ARHGEF37: variants seen among roughly 807,000 people sequenced by gnomAD.
ARHGEF37 encodes Rho guanine nucleotide exchange factor 37.
A neutral mutation model predicts 71.1 loss-of-function variants in ARHGEF37; 55 were observed. The observed-to-expected ratio is 0.77, with a 90% CI of 0.62 to 0.97. The LOEUF is 0.97. ARHGEF37 is among the 50% of genes least tolerant of loss of function. The pLI is 0.00. For missense variants in ARHGEF37, 765 were observed against 836.8 expected (o/e 0.91, Z 1.06); for synonymous variants, 327 against 350.6 (o/e 0.93, Z 0.75).
chr5:149,627,301 C>T, intron 11 of ARHGEF37, 30 bp downstream of exon 11: 2 of 1,600,828 alleles, frequency 1.2e-6, no homozygotes, highest in Non-Finnish European at 1.7e-6. Context: ...CCCTTCTTCT[C>T]CTTCGGGGAA....
intron 1 of ARHGEF37, among the ~76,000 whole-genome samples, chr5:149,571,313 TG>T (rs910302710): frequency 2.8e-4 from 43 of 152,108 alleles, no homozygotes; most frequent in Non-Finnish European, 1.3e-4. Flanking sequence ...TGGCATGCAG[TG>T]GCACGACCTC....
intron 1 of ARHGEF37, among the ~76,000 whole-genome samples, chr5:149,589,581 C>A (rs1034068664): frequency 6.6e-6 from 1 of 152,180 alleles, no homozygotes; most frequent in Non-Finnish European, 1.5e-5. Context: ...CTCGCTGCAA[C>A]CTCTGCCTCC....
In ARHGEF37 at chr5:149,628,936, T is replaced by C. The variant is rs1561812279; in HGVS notation, c.1788T>C (p.Ala596=). 4.3e-6 allele frequency: 7 copies of C among 1,612,668 alleles called. No homozygotes were observed. Among genetic ancestry groups the C allele is most frequent in the Non-Finnish European group, 5.9e-6 (7 of 1,179,952 alleles). ...PRCLTPEPSP[A]LVPSIPTMNQ... ...GTCTAACACCGGAGCCCAGCCCAGC[T>C]CTAGTGCCCTCTATTCCCACCATGA... is the stretch of plus-strand genomic sequence containing the variant. The change falls in exon 12 of 13, where the codon GCT becomes GCC. Residue 596 remains alanine (A), a synonymous_variant. Transcript: ENST00000333677.
intron 1 of ARHGEF37, among the ~76,000 whole-genome samples, chr5:149,572,969 G>A (rs778049505): frequency 2.6e-5 from 4 of 152,124 alleles, no homozygotes; most frequent in Non-Finnish European, 5.9e-5. Flanking sequence ...AGGCTTGGTA[G>A]TTCAAAGGCG....
chr5:149,634,352 T>C lies in ARHGEF37; in HGVS notation c.*2161T>C, dbSNP rs1752970459. Reference sequence around the variant, plus strand: ...GTTCAAACAGGCGCTTTAAAGGCAGTGTGAAAGGGGACAGCCTGTTCTGCC... The same window carrying C: ...GTTCAAACAGGCGCTTTAAAGGCAGCGTGAAAGGGGACAGCCTGTTCTGCC... On this transcript the variant is annotated 3_prime_UTR_variant, in exon 13 of 13. Coordinates refer to ENST00000333677, the MANE Select transcript of ARHGEF37 (RefSeq NM_001001669.3). The C allele has an allele frequency of 6.6e-6, 1 of 152,158 alleles. No homozygotes were observed. Among genetic ancestry groups the C allele is most frequent in the Non-Finnish European group, 1.5e-5 (1 of 68,026 alleles). 9.4% of individuals were successfully genotyped at this position (152,158 alleles called of 1,614,324 possible).
chr5:149,620,682 T>C (rs527750656), intron 8 of ARHGEF37, among the ~76,000 whole-genome samples: 23 of 151,898 alleles, frequency 1.5e-4, no homozygotes, highest in African/African-American at 5.6e-4. Flanking sequence ...ATACAGAAAA[T>C]TAGCCGGGCA....
chr5:149,554,310 A>G (rs1762724343), intron 1 of ARHGEF37, among the ~76,000 whole-genome samples: 1 of 152,222 alleles, frequency 6.6e-6, no homozygotes, highest in Non-Finnish European at 1.5e-5. Flanking sequence ...AGCCTGAGCA[A>G]CAGAGTGAGA....
intron 1 of ARHGEF37, among the ~76,000 whole-genome samples, chr5:149,592,963 T>G (rs1763454258): frequency 6.6e-6 from 1 of 152,008 alleles, no homozygotes; most frequent in Non-Finnish European, 1.5e-5. Context: ...AGAGACGGGG[T>G]TTTGCCATGT....
At chr5:149,556,724 TG>T (rs1171306277) in intron 1 of ARHGEF37, among the ~76,000 whole-genome samples, 2 of 152,184 alleles carry the variant, frequency 1.3e-5, no homozygotes, top group Non-Finnish European at 2.9e-5. Context: ...AGTTTCTCCG[TG>T]TTGACCAGGC....
chr5:149,558,715 G>A (rs1197308636), intron 1 of ARHGEF37, among the ~76,000 whole-genome samples: 7 of 134,424 alleles, frequency 5.2e-5, no homozygotes, highest in South Asian at 4.5e-4. Context: ...GTGTGTGTGT[G>A]TGTGTGTGTG....
At chr5:149,563,076 A>C (rs1762854193) in intron 1 of ARHGEF37, among the ~76,000 whole-genome samples, 3 of 152,144 alleles carry the variant, frequency 2.0e-5, no homozygotes. Context: ...TCTGAATCTC[A>C]AACCCAGCAG....
At chr5:149,594,802 A>G (rs1763501502) in intron 1 of ARHGEF37, among the ~76,000 whole-genome samples, 1 of 152,078 alleles carries the variant, frequency 6.6e-6, no homozygotes, top group Non-Finnish European at 1.5e-5. Flanking sequence ...CCACGTACTT[A>G]CCTCCTAGCT....
In ARHGEF37 at chr5:149,605,490, A is replaced by G. The variant is rs577969389; in HGVS notation, c.311-4058A>G. On this transcript the variant is annotated intron_variant, in intron 3 of 12. Coordinates refer to ENST00000333677, the MANE Select transcript of ARHGEF37 (RefSeq NM_001001669.3). Reference sequence around the variant, plus strand: ...GCACATCGCATTTGGGGTTCATCATATTTCAAGTGCCCAATAGCCACGTGT... The same window carrying G: ...GCACATCGCATTTGGGGTTCATCATGTTTCAAGTGCCCAATAGCCACGTGT... Among the ~76,000 whole-genome samples the G allele has an allele frequency of 3.3e-5, 5 of 152,286 alleles. 1 individual carries two copies. The South Asian group carries it at 8.3e-4, about 25-fold the overall frequency.
At chr5:149,626,409 T>C (rs1310379057) in intron 10 of ARHGEF37, among the ~76,000 whole-genome samples, 2 of 152,186 alleles carry the variant, frequency 1.3e-5, no homozygotes, top group South Asian at 2.1e-4. Context: ...AGCAGTATCA[T>C]GCAATGGAAA....
Position 149,634,246 on chromosome 5 carries a change from T to C in ARHGEF37, c.*2055T>C, listed in dbSNP as rs1752968255. 6.6e-6 allele frequency: 1 copy of C among 152,166 alleles called. No individual in the cohort carries two copies. The highest frequency in any genetic ancestry group is 2.4e-5 in the African/African-American group (1 of 41,424). 9.4% of individuals were successfully genotyped at this position (152,166 alleles called of 1,614,324 possible). ...AGGGACCTCTACCCTAGACACAAAG[T>C]ATTGGACAGATAGACCTGGTGCCAG... On this transcript the variant is annotated 3_prime_UTR_variant, in exon 13 of 13. Coordinates refer to ENST00000333677, the MANE Select transcript of ARHGEF37 (RefSeq NM_001001669.3).
intron 8 of ARHGEF37, among the ~76,000 whole-genome samples, chr5:149,620,841 T>C (rs62378010): frequency 0.27 from 36,958 of 136,160 alleles, 5,091 homozygotes; most frequent in Admixed American, 0.39. Context: ...AAAAAAGAAG[T>C]CAGGCACTTT....
At chr5:149,595,987 T>G (rs547519375) in intron 1 of ARHGEF37, among the ~76,000 whole-genome samples, 12 of 138,380 alleles carry the variant, frequency 8.7e-5, no homozygotes, top group Admixed American at 1.6e-4. Flanking sequence ...ACAGAAGTCC[T>G]TGTGGCTGGG....
chr5:149,627,316 A>G (rs7733002), intron 11 of ARHGEF37, 45 bp downstream of exon 11: 1,084,949 of 1,579,164 alleles, frequency 0.69, 375,519 homozygotes, highest in Middle Eastern at 0.81. Context: ...GGGGAAAACC[A>G]CCCCACAGAA....
At chr5:149,555,424 C>T (rs1311765610) in intron 1 of ARHGEF37, among the ~76,000 whole-genome samples, 3 of 151,944 alleles carry the variant, frequency 2.0e-5, no homozygotes, top group African/African-American at 7.3e-5. Flanking sequence ...CTGCCTCAAG[C>T]TTCCCCAGTA....
Sources: allele counts gnomAD v4.1 joint callset (sites outside exome capture counted in the v4.1 genomes callset), GRCh38; gene constraint gnomAD v4.1.1; transcripts MANE v1.5; gene names NCBI Gene and HGNC (gene_info 2026-07-23, HGNC 2026-07-21).